Variants in CAST observed in about 807,000 individuals in gnomAD.
CAST encodes the protein calpastatin.
CAST carries 76 observed loss-of-function variants against 119.6 expected under a neutral mutation model. The observed-to-expected ratio is 0.64, with a 90% confidence interval of 0.53 to 0.77. The LOEUF (loss-of-function observed/expected upper bound fraction) is 0.77. Ranked by LOEUF, CAST falls within the 30% of genes least tolerant of loss-of-function variation. The pLI is 0.00. For synonymous variants in CAST, 319 were observed against 331.6 expected, an observed-to-expected ratio of 0.96 and a Z score of 0.41; for missense variants, 953 against 946.5, an observed-to-expected ratio of 1.01 and a Z score of -0.09.
At chr5:96,070,451 T>C in the CAST span, among the ~76,000 whole-genome samples, 7 of 152,144 alleles carry the variant, frequency 4.6e-5, no homozygotes, top group Non-Finnish European at 1.0e-4. Flanking sequence ...GGATTCACAG[T>C]ATGAGAAATT....
At chr5:96,383,067 G>T in the CAST span, among the ~76,000 whole-genome samples, 1 of 152,146 alleles carries the variant, frequency 6.6e-6, no homozygotes, top group South Asian at 2.1e-4. Flanking sequence ...CTTACATTCC[G>T]TTCGGGGAGA....
chr5:96,702,832 G>C, intron 3 of CAST: 1 of 985,482 alleles, frequency 1.0e-6, no homozygotes. Flanking sequence ...GCTCCAAGCG[G>C]AAACCGCGGG....
intron 3 of CAST, among the ~76,000 whole-genome samples, chr5:96,705,974 T>C (rs991533829): frequency 2.6e-4 from 39 of 152,236 alleles, no homozygotes; most frequent in African/African-American, 9.2e-4. Flanking sequence ...TTTGCTACAG[T>C]GATTTCCTCT....
At chr5:96,658,048 G>C (rs905308726), upstream of CAST, among the ~76,000 whole-genome samples, 8 of 152,004 alleles carry the variant, frequency 5.3e-5, no homozygotes, top group East Asian at 1.5e-3. Context: ...GCGGTGAGCC[G>C]AGATCATGCC....
chr5:96,551,127 A>G lies in CAST; in HGVS notation c.60+21247A>G, dbSNP rs1746117977. On this transcript the variant is annotated intron_variant, in intron 1 of 11. Transcript: ENST00000505143. ...AGACACATAATTGTCAGATTCACCT[A>G]GGTTGAAATGAAGAAAAAAATGTTA... 2.0e-5 allele frequency among the ~76,000 whole-genome samples: 3 copies of G among 152,214 alleles called. No individual in the cohort carries two copies. In the South Asian group the frequency reaches 6.2e-4, roughly 31 times the overall value.
intron 1 of CAST, among the ~76,000 whole-genome samples, chr5:96,608,100 CCCCTTTCCCTGTCCACA>C: frequency 6.6e-6 from 1 of 152,314 alleles, no homozygotes; most frequent in East Asian, 1.9e-4. Flanking sequence ...ACCAACATCT[CCCCTTTCCCTGTCCACA>C]CCCTTCCCCC....
chr5:96,476,110 A>G, the CAST span, among the ~76,000 whole-genome samples: 1 of 152,226 alleles, frequency 6.6e-6, no homozygotes, highest in African/African-American at 2.4e-5. Flanking sequence ...TTAAACTAGA[A>G]GAAACTGAAA....
chr5:96,013,514 A>G, the CAST span, among the ~76,000 whole-genome samples: 596 of 152,172 alleles, frequency 3.9e-3, 4 homozygotes, highest in Middle Eastern at 0.027. Context: ...TTTGTTTTCT[A>G]TCTTTCGCCA....
the CAST span, among the ~76,000 whole-genome samples, chr5:96,189,375 G>T: frequency 6.6e-6 from 1 of 152,148 alleles, no homozygotes; most frequent in Admixed American, 6.5e-5. Flanking sequence ...TATACTTCCT[G>T]GTTCAAAAAC....
the CAST span, among the ~76,000 whole-genome samples, chr5:96,319,706 G>T: frequency 6.6e-6 from 1 of 152,024 alleles, no homozygotes; most frequent in Non-Finnish European, 1.5e-5. Flanking sequence ...CCTCACTTTT[G>T]GGTTCTAGAA....
At chr5:96,074,425 T>C in the CAST span, among the ~76,000 whole-genome samples, 1 of 152,226 alleles carries the variant, frequency 6.6e-6, no homozygotes, top group Non-Finnish European at 1.5e-5. Context: ...TGAGAACTTG[T>C]TGCTGTCTCT....
the CAST span, among the ~76,000 whole-genome samples, chr5:96,471,713 G>T: frequency 6.6e-6 from 1 of 150,968 alleles, no homozygotes; most frequent in Non-Finnish European, 1.5e-5. Flanking sequence ...CCTGTCTTTT[G>T]CCTGTTTAAT....
chr5:96,413,765 C>T, the CAST span, among the ~76,000 whole-genome samples: 3 of 142,424 alleles, frequency 2.1e-5, no homozygotes. Flanking sequence ...GCAACCACTG[C>T]ACTCCAGCCT....
At chr5:96,517,196 A>G in the CAST span, among the ~76,000 whole-genome samples, 4 of 143,098 alleles carry the variant, frequency 2.8e-5, no homozygotes, top group Admixed American at 1.5e-4. Context: ...GACAATTTGT[A>G]TATATGTTTA....
chr5:96,619,049 G>C (rs1194534135), intron 1 of CAST, among the ~76,000 whole-genome samples: 3 of 152,148 alleles, frequency 2.0e-5, no homozygotes, highest in Non-Finnish European at 2.9e-5. Flanking sequence ...TCTAGCTAAA[G>C]GTTTGTAAAC....
chr5:95,974,914 C>T, the CAST span, among the ~76,000 whole-genome samples: 2 of 151,996 alleles, frequency 1.3e-5, no homozygotes, highest in African/African-American at 2.4e-5. Flanking sequence ...ATTGTCCTTA[C>T]TTTTTTAAAA....
chr5:96,017,639 A>G, the CAST span, among the ~76,000 whole-genome samples: 2 of 152,210 alleles, frequency 1.3e-5, no homozygotes, highest in African/African-American at 4.8e-5. Flanking sequence ...AAGAGTCAGT[A>G]AATCTTTGTC....
At chr5:96,244,112 C>T in the CAST span, among the ~76,000 whole-genome samples, 2 of 152,312 alleles carry the variant, frequency 1.3e-5, no homozygotes, top group East Asian at 3.9e-4. Context: ...GTTCCTCTAC[C>T]TTGATCCCCA....
chr5:96,019,030 A>G, the CAST span, among the ~76,000 whole-genome samples: 1 of 152,220 alleles, frequency 6.6e-6, no homozygotes, highest in East Asian at 1.9e-4. Context: ...TCAGAGTTCA[A>G]TCTGGAAGAT....
Sources: gnomAD v4.1 joint callset for allele counts (sites outside exome capture counted in the v4.1 genomes callset) on GRCh38, gnomAD v4.1.1 for gene constraint, MANE v1.5 for transcripts, NCBI Gene and HGNC (gene_info 2026-07-23, HGNC 2026-07-21) for gene names.